RIMKLB: variants seen among roughly 807,000 people sequenced by gnomAD.
RIMKLB encodes ribosomal modification protein rimK like family member B.
In RIMKLB, 7 loss-of-function variants were observed where a neutral mutation model predicts 32.0. The ratio of observed to expected loss-of-function variants is 0.22; its 90% CI spans 0.12 to 0.41. The LOEUF (loss-of-function observed/expected upper bound fraction) is 0.41. Among genes scored for constraint, RIMKLB ranks in the 10% least tolerant of loss-of-function variants. The pLI is 1.00. For synonymous variants in RIMKLB, 172 were observed against 185.1 expected, an observed-to-expected ratio of 0.93 and a Z score of 0.57; for missense variants, 289 against 498.7, an observed-to-expected ratio of 0.58 and a Z score of 4.00.
At chr12:8,720,831 C>T (rs766521624) in intron 2 of RIMKLB, among the ~76,000 whole-genome samples, 14 of 152,100 alleles carry the variant, frequency 9.2e-5, no homozygotes, top group African/African-American at 2.9e-4. Flanking sequence ...TGAGCCACCG[C>T]GCCTGGCCTA....
chr12:8,686,095 C>G (rs969792950), intron 1 of RIMKLB, among the ~76,000 whole-genome samples: 1 of 152,092 alleles, frequency 6.6e-6, no homozygotes, highest in East Asian at 1.9e-4. Context: ...CATGAGCCAC[C>G]GCGCCCGGAC....
At chr12:8,708,783 A>G (rs1944118238) in intron 1 of RIMKLB, among the ~76,000 whole-genome samples, 1 of 152,222 alleles carries the variant, frequency 6.6e-6, no homozygotes, top group Non-Finnish European at 1.5e-5. Context: ...TAAGATTCCC[A>G]TATACTCAGT....
upstream of RIMKLB, among the ~76,000 whole-genome samples, chr12:8,694,387 A>ATTTTT (rs769859426): frequency 2.4e-4 from 28 of 119,088 alleles, 3 homozygotes; most frequent in African/African-American, 4.9e-4. Flanking sequence ...ATCCTGTTGA[A>ATTTTT]TTTTTTTTCT....
rs1286290081 is a variant in RIMKLB at position 8,749,808 on chromosome 12, A to G, written c.176-54A>G. On this transcript the variant is annotated intron_variant, in intron 2 of 5. Coordinates refer to ENST00000535829, the MANE Select transcript of RIMKLB (RefSeq NM_001297776.2). ...AACTTTGGCGTATTACTATTCCTCT[A>G]TTTTGTTGTATATTTCCCTCTAATT... 4.3e-6 allele frequency: 5 copies of G among 1,161,450 alleles called. No homozygotes were observed. In the African/African-American group the frequency reaches 7.6e-5, roughly 18 times the overall value. The allele number at this position is 1,161,450 out of a possible 1,614,324, so 71.9% of individuals were successfully genotyped here. A position where few individuals can be genotyped will look rare whatever the true frequency, so the allele number is the denominator to read the frequency against.
rs376923379 is a variant in RIMKLB at position 8,766,209 on chromosome 12, C to T, written c.698-7112C>T. Among the ~76,000 whole-genome samples, 227 of 152,264 alleles carry T rather than the reference C, an allele frequency of 1.5e-3. 10 individuals are homozygous for T. In the South Asian group the frequency reaches 0.045, roughly 30 times the overall value. ...CTATGGTCTTAATGCTTATTCCTTTCCAGGGTGTGTAACCACCCATGGACT... is the reference window on the plus strand; with the variant it reads ...CTATGGTCTTAATGCTTATTCCTTTTCAGGGTGTGTAACCACCCATGGACT... On this transcript the variant is annotated intron_variant, in intron 5 of 5. Coordinates refer to ENST00000535829, the MANE Select transcript of RIMKLB (RefSeq NM_001297776.2).
At position 8,776,202 on chromosome 12, in the gene RIMKLB, G is replaced by A. The variant is rs1359927981; in HGVS notation, c.*2418G>A. 1.9e-5 allele frequency: 19 copies of A among 981,422 alleles called. No individual in the cohort carries two copies. The South Asian group carries it at 8.5e-4, about 44-fold the overall frequency. 60.8% of individuals were successfully genotyped at this position (981,422 alleles called of 1,614,324 possible). On this transcript the variant is annotated 3_prime_UTR_variant, in exon 6 of 6. Coordinates refer to ENST00000535829, the MANE Select transcript of RIMKLB (RefSeq NM_001297776.2). ...TACCAAATTAACCAACTATATTATA[G>A]GAAATATGTGAAATTAGTTCATTAG...
chr12:8,728,283 T>C (rs1383356888), intron 2 of RIMKLB, among the ~76,000 whole-genome samples: 1 of 152,218 alleles, frequency 6.6e-6, no homozygotes, highest in Non-Finnish European at 1.5e-5. Flanking sequence ...TTTTTGCCTT[T>C]TCAGATAACT....
intron 5 of RIMKLB, among the ~76,000 whole-genome samples, chr12:8,755,941 G>A (rs776232436): frequency 4.1e-4 from 63 of 152,200 alleles, no homozygotes; most frequent in African/African-American, 1.5e-3. Flanking sequence ...ATCACTTGAG[G>A]CCAGGAGTTC....
intron 1 of RIMKLB, among the ~76,000 whole-genome samples, chr12:8,683,746 G>T (rs1942483200): frequency 6.6e-6 from 1 of 152,034 alleles, no homozygotes; most frequent in Non-Finnish European, 1.5e-5. Context: ...TGTAATTTTG[G>T]TTTTTTGTTT....
upstream of RIMKLB, among the ~76,000 whole-genome samples, chr12:8,678,166 T>G (rs1350478467): frequency 6.6e-6 from 1 of 151,582 alleles, no homozygotes; most frequent in African/African-American, 2.4e-5. Context: ...TTTTTCTTTT[T>G]TTTAATTAAA....
upstream of RIMKLB, among the ~76,000 whole-genome samples, chr12:8,693,445 G>A (rs1432094131): frequency 2.0e-5 from 3 of 147,844 alleles, no homozygotes; most frequent in East Asian, 3.9e-4. Context: ...CACCTAGACC[G>A]GAGTGCAGTG....
chr12:8,752,110 T>G, intron 4 of RIMKLB, 67 bp downstream of exon 4: 1 of 1,006,202 alleles, frequency 9.9e-7, no homozygotes, highest in Non-Finnish European at 1.5e-6. Flanking sequence ...ATGGAGTGAC[T>G]TTGAAGAATA....
chr12:8,708,204 T>C (rs764182668), intron 1 of RIMKLB, among the ~76,000 whole-genome samples: 2 of 152,150 alleles, frequency 1.3e-5, no homozygotes, highest in Admixed American at 6.5e-5. Context: ...TCCTTTAGCT[T>C]TATTTTTCTT....
chr12:8,741,624 C>A (rs748336832), intron 2 of RIMKLB, among the ~76,000 whole-genome samples: 1 of 150,314 alleles, frequency 6.7e-6, no homozygotes, highest in Admixed American at 6.6e-5. Flanking sequence ...ACTAAAAATC[C>A]AAAAAATTAG....
intron 3 of RIMKLB, 134 bp downstream of exon 3, chr12:8,750,226 A>G (rs969233636): frequency 1.5e-5 from 8 of 526,776 alleles, no homozygotes; most frequent in Non-Finnish European, 2.7e-5. Context: ...ATAATTATAA[A>G]TTATATCTTA....
At position 8,744,999 on chromosome 12, in the gene RIMKLB, C is replaced by T. The variant is rs892672259; in HGVS notation, c.176-4863C>T. 1.9e-4 allele frequency among the ~76,000 whole-genome samples: 29 copies of T among 151,908 alleles called. 2 individuals are homozygous for T. The highest frequency in any genetic ancestry group is 4.6e-4 in the Admixed American group (7 of 15,268). ...TCCTAATGCTATCCCTCCCCCAGCCCCTCACCTGCCAACGGGCCCGGTGTG... is the reference window on the plus strand; with the variant it reads ...TCCTAATGCTATCCCTCCCCCAGCCTCTCACCTGCCAACGGGCCCGGTGTG... On this transcript the variant is annotated intron_variant, in intron 2 of 5. Coordinates refer to ENST00000535829, the MANE Select transcript of RIMKLB (RefSeq NM_001297776.2).
upstream of RIMKLB, chr12:8,697,866 C>T (rs1942975357): frequency 6.8e-6 from 1 of 146,262 alleles, no homozygotes; most frequent in African/African-American, 2.5e-5. Flanking sequence ...GCCGCGGCGC[C>T]AGGAGGGCGG....
chr12:8,762,898 G>A (rs1032510669), intron 5 of RIMKLB, among the ~76,000 whole-genome samples: 1 of 152,204 alleles, frequency 6.6e-6, no homozygotes, highest in Non-Finnish European at 1.5e-5. Flanking sequence ...CTTAAGCGGC[G>A]TAGGTGTGAG....
intron 2 of RIMKLB, among the ~76,000 whole-genome samples, chr12:8,739,342 C>T (rs978563678): frequency 1.5e-4 from 23 of 152,156 alleles, no homozygotes; most frequent in African/African-American, 5.6e-4. Flanking sequence ...CTCTTCCTTT[C>T]TTTTTAAAAA....
Sources: gnomAD v4.1 joint callset for allele counts (sites outside exome capture counted in the v4.1 genomes callset) on GRCh38, gnomAD v4.1.1 for gene constraint, MANE v1.5 for transcripts, NCBI Gene and HGNC (gene_info 2026-07-23, HGNC 2026-07-21) for gene names.